Variants in ZNF544 observed in about 807,000 individuals in gnomAD.
The protein encoded by ZNF544 is zinc finger protein 544.
ZNF544 carries 10 observed loss-of-function variants against 13.5 expected under a neutral mutation model. The observed-to-expected ratio is 0.74, with a 90% CI of 0.46 to 1.25. The LOEUF (loss-of-function observed/expected upper bound fraction) is 1.25. Among genes scored for constraint, ZNF544 ranks in the 50% most tolerant of loss-of-function variants. ZNF544 has a pLI of 0.00. For missense variants in ZNF544, 896 were observed against 845.6 expected (o/e 1.06, Z -0.74); for synonymous variants, 323 against 300.5 (o/e 1.07, Z -0.77).
At position 58,261,103 on chromosome 19, in the gene ZNF544, C is replaced by T; in HGVS notation, c.497C>T (p.Ser166Phe). 1 of 1,614,140 alleles carries T rather than the reference C, an allele frequency of 6.2e-7. No homozygotes were observed. ...HCELELGGGY[S>F]LPSTLSLLPT... is the part of the protein sequence containing the mutation. ...GAGCTTGAACTTGGGGGAGGTTATT[C>T]TCTACCTTCTACTTTAAGCCTTCTA... Residue 166 changes from serine (S) to phenylalanine (F), a missense_variant, in exon 7 of 7, where the codon TCT (serine) becomes TTT (phenylalanine). Physicochemically the swap from Ser to Phe is radical, Grantham distance 155. Coordinates refer to ENST00000687789, the MANE Select transcript of ZNF544 (RefSeq NM_014480.4).
chr19:58,272,279 G>A (rs2050728880), intron 5 of ZNF544, among the ~76,000 whole-genome samples: 3 of 152,150 alleles, frequency 2.0e-5, no homozygotes, highest in Admixed American at 2.0e-4. Context: ...ATCCCCTGGA[G>A]TTGGATGGGT....
intron 3 of ZNF544, among the ~76,000 whole-genome samples, chr19:58,243,685 C>T (rs1476327980): frequency 1.3e-5 from 2 of 152,150 alleles, no homozygotes; most frequent in East Asian, 3.9e-4. Context: ...GACACCTGGC[C>T]TCCACCTCCC....
chr19:58,276,197 A>C (rs1397132883), intron 5 of ZNF544: 3 of 434,190 alleles, frequency 6.9e-6, no homozygotes, highest in Admixed American at 4.4e-5. Context: ...TAAACAACAA[A>C]AAAAGAACAC....
At position 58,262,816 on chromosome 19, in the gene ZNF544, C is replaced by T. The variant is rs1027099546; in HGVS notation, c.*62C>T. On this transcript the variant is annotated 3_prime_UTR_variant, in exon 7 of 7. Coordinates refer to ENST00000687789, the MANE Select transcript of ZNF544 (RefSeq NM_014480.4). ...TCTCCCCTCATCATGCACCAGAGGACGCATGTCGGTGGGAAGAGCTATCAG... is the reference window on the plus strand; with the variant it reads ...TCTCCCCTCATCATGCACCAGAGGATGCATGTCGGTGGGAAGAGCTATCAG... The T allele has an allele frequency of 3.1e-5, 47 of 1,531,564 alleles. No homozygotes were observed. Among genetic ancestry groups the T allele is most frequent in the East Asian group, 1.6e-4 (7 of 44,138 alleles). 94.9% of individuals were successfully genotyped at this position (1,531,564 alleles called of 1,614,324 possible). A position where few individuals can be genotyped will look rare whatever the true frequency, so the allele number is the denominator to read the frequency against.
At chr19:58,246,159 A>C in intron 4 of ZNF544, 142 bp from the exon 5 acceptor site, 1 of 1,134,740 alleles carries the variant, frequency 8.8e-7, no homozygotes, top group Non-Finnish European at 1.3e-6. Flanking sequence ...TAAAGACCCC[A>C]CCTCTTAACA....
In ZNF544 at chr19:58,262,561, G is replaced by T. The variant is rs1302598797; in HGVS notation, c.1955G>T (p.Arg652Ile). The T allele has an allele frequency of 1.9e-6, 3 of 1,614,216 alleles. No homozygotes were observed. The highest frequency in any genetic ancestry group is 2.5e-6 in the Non-Finnish European group (3 of 1,180,028). Reference protein sequence around the residue: ...ARSSYLVMHQRTHTGEKPFEC... With the variant: ...ARSSYLVMHQITHTGEKPFEC... ...AGCTCCTACCTTGTGATGCATCAGA[G>T]AACTCACACTGGTGAGAAACCTTTT... Residue 652 changes from arginine (R) to isoleucine (I), a missense_variant, in exon 7 of 7, where the codon AGA (arginine) becomes ATA (isoleucine). By Grantham distance (97) the Arg-to-Ile change is moderately conservative. Transcript: ENST00000687789.
chr19:58,233,550 G>A (rs1672157264), intron 3 of ZNF544, among the ~76,000 whole-genome samples: 1 of 152,200 alleles, frequency 6.6e-6, no homozygotes, highest in Non-Finnish European at 1.5e-5. Flanking sequence ...ATTATTTTAA[G>A]TATGGTGTCA....
At chr19:58,256,110 G>A (rs559312070) in intron 6 of ZNF544, among the ~76,000 whole-genome samples, 284 of 152,226 alleles carry the variant, frequency 1.9e-3, no homozygotes, top group African/African-American at 6.1e-3. Flanking sequence ...CCAAGGATCC[G>A]TAAGTTGGAA....
At chr19:58,252,851 T>A (rs2046513447) in intron 6 of ZNF544, among the ~76,000 whole-genome samples, 1 of 152,234 alleles carries the variant, frequency 6.6e-6, no homozygotes, top group African/African-American at 2.4e-5. Context: ...GACGGAGTCT[T>A]GCTCTGTCAC....
Position 58,261,086 on chromosome 19 carries a change from A to C in ZNF544, c.480A>C (p.Glu160Asp), listed in dbSNP as rs746329217. Residue 160 changes from glutamate to aspartate, a missense_variant, in exon 7 of 7, where the codon GAA (glutamate) becomes GAC (aspartate). Physicochemically the swap from Glu to Asp is conservative, Grantham distance 45 (BLOSUM62 2). Transcript: ENST00000687789. ...LFAQREHCELELGGGYSLPST... is the reference protein window; with the variant it reads ...LFAQREHCELDLGGGYSLPST... ...CTCAAAGGGAACATTGTGAGCTTGA[A>C]CTTGGGGGAGGTTATTCTCTACCTT... The C allele has an allele frequency of 5.0e-6, 8 of 1,614,090 alleles. No individual in the cohort carries two copies. The highest frequency in any genetic ancestry group is 1.6e-4 in the Middle Eastern group (1 of 6,084).
At position 58,260,443 on chromosome 19, in the gene ZNF544, A is replaced by AT. The variant is rs571716826; in HGVS notation, c.245-398dup. 270 of 151,340 alleles carry AT rather than the reference A, an allele frequency of 1.8e-3. 1 individual carries two copies. Among genetic ancestry groups the AT allele is most frequent in the African/African-American group, 4.8e-3 (197 of 40,840 alleles). 9.4% of individuals were successfully genotyped at this position (151,340 alleles called of 1,614,324 possible). A position where few individuals can be genotyped will look rare whatever the true frequency, so the allele number is the denominator to read the frequency against. ...AGGCGCCCACCACCACACCTGGCTA[A>AT]TTTTTTTTTTATTTTTATTAGAGAT... On this transcript the variant is annotated intron_variant, in intron 6 of 6. Transcript: ENST00000687789.
chr19:58,241,040 C>A (rs1486089471), intron 3 of ZNF544, among the ~76,000 whole-genome samples: 1 of 139,074 alleles, frequency 7.2e-6, no homozygotes, highest in Non-Finnish European at 1.6e-5. Context: ...GGCACGATCA[C>A]TACTCACTGC....
rs1243996814 is a variant in ZNF544 at position 58,260,867 on chromosome 19, TGAG to T, written c.265_267del (p.Glu89del). Reference sequence around the variant, plus strand: ...TTCTTTCAGACTGGAAAGCTACCCTTGAGGAGAATAGGTTGAATTCTGAAAAAG... The same window carrying T: ...TTCTTTCAGACTGGAAAGCTACCCTTGAGAATAGGTTGAATTCTGAAAAAG... On this transcript the variant is annotated inframe_deletion, in exon 7 of 7. Coordinates refer to ENST00000687789, the MANE Select transcript of ZNF544 (RefSeq NM_014480.4). 12 of 1,602,940 alleles carry T rather than the reference TGAG, an allele frequency of 7.5e-6. 1 individual carries two copies. Among genetic ancestry groups the T allele is most frequent in the Middle Eastern group, 1.7e-4 (1 of 5,992 alleles).
chr19:58,260,874 A>C lies in ZNF544; in HGVS notation c.268A>C (p.Asn90His), dbSNP rs149412862. ...PRDWKATLEE[N>H]RLNSEKDRAR... ...AGACTGGAAAGCTACCCTTGAGGAG[A>C]ATAGGTTGAATTCTGAAAAAGATCG... is the stretch of plus-strand genomic sequence containing the variant. The change falls in exon 7 of 7, where the codon AAT becomes CAT. Residue 90 changes from asparagine (N) to histidine (H), a missense_variant. Coordinates refer to ENST00000687789, the MANE Select transcript of ZNF544 (RefSeq NM_014480.4). 85 of 1,607,058 alleles carry C rather than the reference A, an allele frequency of 5.3e-5. No homozygotes were observed. In the African/African-American group the frequency reaches 1.1e-3, roughly 20 times the overall value.
chr19:58,243,401 A>G (rs926854645), intron 3 of ZNF544, among the ~76,000 whole-genome samples: 1 of 151,428 alleles, frequency 6.6e-6, no homozygotes, highest in South Asian at 2.1e-4. Flanking sequence ...GACTGCTGCA[A>G]GGGGATTAGA....
intron 3 of ZNF544, among the ~76,000 whole-genome samples, chr19:58,238,121 G>A (rs946169035): frequency 1.3e-5 from 2 of 152,082 alleles, no homozygotes; most frequent in African/African-American, 2.4e-5. Context: ...TGGTAGAGAC[G>A]GGGTTTCACC....
intron 5 of ZNF544, among the ~76,000 whole-genome samples, chr19:58,272,909 C>T (rs563607643): frequency 5.3e-5 from 8 of 151,006 alleles, no homozygotes; most frequent in African/African-American, 9.7e-5. Flanking sequence ...AAAGGCCGGG[C>T]GCGGTGGCTC....
At chr19:58,254,487 T>C (rs1289768287) in intron 6 of ZNF544, among the ~76,000 whole-genome samples, 1 of 152,182 alleles carries the variant, frequency 6.6e-6, no homozygotes, top group Non-Finnish European at 1.5e-5. Flanking sequence ...GGTGTAGTAC[T>C]ATTCCTCAGA....
At chr19:58,268,276 G>A (rs1161838756), downstream of ZNF544, among the ~76,000 whole-genome samples, 1 of 152,008 alleles carries the variant, frequency 6.6e-6, no homozygotes, top group Admixed American at 6.6e-5. Context: ...ACTCCAGCCT[G>A]GGCAACAAGA....
Sources: allele counts gnomAD v4.1 joint callset (sites outside exome capture counted in the v4.1 genomes callset), GRCh38; gene constraint gnomAD v4.1.1; transcripts MANE v1.5; gene names NCBI Gene and HGNC (gene_info 2026-07-23, HGNC 2026-07-21).